The following TDRD12 variants were observed in gnomAD, a reference collection of about 807,000 sequenced individuals.
The protein encoded by TDRD12 is putative ATP-dependent RNA helicase TDRD12.
TDRD12 carries 158 observed loss-of-function variants against 133.5 expected under a neutral mutation model. That is an observed-to-expected ratio of 1.18 (90% confidence interval 1.04 to 1.35). TDRD12 has a LOEUF of 1.35. Among genes scored for constraint, TDRD12 ranks in the 40% most tolerant of loss-of-function variants. TDRD12 has a pLI of 0.00. For synonymous variants in TDRD12, 460 were observed against 477.9 expected, an observed-to-expected ratio of 0.96 and a Z score of 0.49; for missense variants, 1,443 against 1,321.3, an observed-to-expected ratio of 1.09 and a Z score of -1.43.
At chr19:32,788,561 A>T (rs899340171) in intron 11 of TDRD12, among the ~76,000 whole-genome samples, 2 of 151,524 alleles carry the variant, frequency 1.3e-5, no homozygotes, top group Non-Finnish European at 2.9e-5. Flanking sequence ...TCCTCGTTTC[A>T]CATATATGGT....
chr19:32,801,629 A>T, intron 18 of TDRD12, 127 bp from the exon 19 acceptor site: 1 of 389,832 alleles, frequency 2.6e-6, no homozygotes. Flanking sequence ...CTTAAGAATT[A>T]TGGGATCAGT....
At position 32,797,937 on chromosome 19, in the gene TDRD12, C is replaced by T. The variant is rs912028807; in HGVS notation, c.1630+46C>T. On this transcript the variant is annotated intron_variant, in intron 15 of 27. Coordinates refer to ENST00000444215, the Ensembl canonical transcript of TDRD12. ...GCTATAAAAGTTAAAGTATCCTTTT[C>T]ACTGTCTTCCCTACAGAAGACAGTG... is the stretch of plus-strand genomic sequence containing the variant. 13 of 652,208 alleles carry T rather than the reference C, an allele frequency of 2.0e-5. No homozygotes were observed. In the African/African-American group the frequency reaches 2.4e-4, roughly 12 times the overall value. 40.4% of individuals were successfully genotyped at this position (652,208 alleles called of 1,614,324 possible). A position where few individuals can be genotyped will look rare whatever the true frequency, so the allele number is the denominator to read the frequency against.
chr19:32,800,285 A>G (rs201921766), exon 17 of TDRD12: 111 of 1,535,118 alleles, frequency 7.2e-5, no homozygotes, highest in Admixed American at 2.2e-4. Flanking sequence ...CATCTCATCA[A>G]AGAGTTCATG....
chr19:32,755,666 A>G (rs1005141788), intron 6 of TDRD12, among the ~76,000 whole-genome samples: 7 of 152,258 alleles, frequency 4.6e-5, no homozygotes, highest in East Asian at 1.9e-4. Flanking sequence ...AGCAAATCCA[A>G]TGTAACAGTC....
intron 24 of TDRD12, among the ~76,000 whole-genome samples, chr19:32,812,095 G>A (rs1013586082): frequency 3.9e-5 from 6 of 152,338 alleles, no homozygotes; most frequent in Admixed American, 1.3e-4. Flanking sequence ...CAGATGGGGC[G>A]TTGAAAGCAA....
intron 8 of TDRD12, among the ~76,000 whole-genome samples, chr19:32,767,976 T>C (rs1278336076): frequency 6.6e-6 from 1 of 152,242 alleles, no homozygotes; most frequent in Non-Finnish European, 1.5e-5. Flanking sequence ...AGAGAAAGAA[T>C]ATTTTGTGAC....
At chr19:32,798,241 T>G in intron 15 of TDRD12, 67 bp from the exon 16 acceptor site, 1 of 1,471,272 alleles carries the variant, frequency 6.8e-7, no homozygotes, top group Non-Finnish European at 9.1e-7. Flanking sequence ...ATGTGGACTC[T>G]TAGCAGAGGA....
chr19:32,802,840 A>G, intron 20 of TDRD12, 51 bp downstream of exon 20: 1 of 1,533,842 alleles, frequency 6.5e-7, no homozygotes, highest in East Asian at 2.4e-5. Flanking sequence ...CTTCTGTGTC[A>G]TGATAAGCTC....
At chr19:32,746,229 A>T (rs1969619480) in intron 4 of TDRD12, among the ~76,000 whole-genome samples, 1 of 144,722 alleles carries the variant, frequency 6.9e-6, no homozygotes, top group African/African-American at 2.6e-5. Flanking sequence ...AGAGAGAGAG[A>T]GTCTGGCTGA....
At chr19:32,819,966 T>C (rs1967321219) in intron 27 of TDRD12, among the ~76,000 whole-genome samples, 1 of 152,124 alleles carries the variant, frequency 6.6e-6, no homozygotes, top group Non-Finnish European at 1.5e-5. Context: ...AGTCTACGCC[T>C]AGGGCTCAGG....
chr19:32,794,522 G>T, intron 13 of TDRD12, 106 bp from the exon 14 acceptor site: 1 of 616,130 alleles, frequency 1.6e-6, no homozygotes, highest in South Asian at 2.0e-5. Flanking sequence ...GGAAAATACT[G>T]GGTTTGGCAA....
intron 2 of TDRD12, among the ~76,000 whole-genome samples, chr19:32,734,186 C>G (rs530856395): frequency 3.9e-5 from 6 of 152,020 alleles, no homozygotes; most frequent in Non-Finnish European, 8.8e-5. Flanking sequence ...TGAGCCACCG[C>G]GCCTGGCCTT....
At chr19:32,801,861 C>G in exon 19 of TDRD12, 7 of 1,317,116 alleles carry the variant, frequency 5.3e-6, no homozygotes, top group Non-Finnish European at 7.3e-6. Context: ...TTCTGGCTCT[C>G]AAATTATATT....
downstream of TDRD12, chr19:32,821,351 A>T: frequency 1.8e-6 from 1 of 558,062 alleles, no homozygotes; most frequent in African/African-American, 1.9e-5. Context: ...CACAGATGTT[A>T]AGTGAACAGC....
chr19:32,738,924 C>T (rs1020882615), exon 3 of TDRD12: 26 of 1,551,146 alleles, frequency 1.7e-5, no homozygotes, highest in South Asian at 6.0e-5. Flanking sequence ...TTACGTCTTC[C>T]GCAGACCAGT....
chr19:32,757,889 T>G (rs977303728), intron 8 of TDRD12, among the ~76,000 whole-genome samples: 4 of 152,210 alleles, frequency 2.6e-5, no homozygotes, highest in African/African-American at 9.7e-5. Flanking sequence ...CCAACTAAAA[T>G]ATTTCCTGTA....
chr19:32,755,311 T>C (rs1969960237), intron 6 of TDRD12, among the ~76,000 whole-genome samples: 1 of 152,260 alleles, frequency 6.6e-6, no homozygotes, highest in Non-Finnish European at 1.5e-5. Flanking sequence ...GAAGCTGCCA[T>C]ATTGTTTTCC....
At chr19:32,801,203 GAAA>G (rs752620387) in intron 18 of TDRD12, among the ~76,000 whole-genome samples, 3 of 102,128 alleles carry the variant, frequency 2.9e-5, no homozygotes, top group Admixed American at 1.1e-4. Context: ...CTGTCTCTAC[GAAA>G]AAAAAAAAAA....
chr19:32,794,593 C>T, intron 13 of TDRD12, 35 bp from the exon 14 acceptor site: 1 of 694,912 alleles, frequency 1.4e-6, no homozygotes, highest in South Asian at 1.5e-5. Context: ...GTTTTCTCTA[C>T]CTTATTTTGG....
Sources: gnomAD v4.1 joint callset for allele counts (sites outside exome capture counted in the v4.1 genomes callset) on GRCh38, gnomAD v4.1.1 for gene constraint, MANE v1.5 for transcripts, NCBI Gene and HGNC (gene_info 2026-07-23, HGNC 2026-07-21) for gene names.